Variants in ZNF644 observed in about 807,000 individuals in gnomAD.
ZNF644 encodes the protein zinc finger motif enhancer binding protein 2.
A neutral mutation model predicts 108.0 loss-of-function variants in ZNF644; 20 were observed. The ratio of observed to expected loss-of-function variants is 0.19; its 90% confidence interval spans 0.13 to 0.27. The LOEUF (loss-of-function observed/expected upper bound fraction) is 0.27. Ranked by LOEUF, ZNF644 falls within the 10% of genes least tolerant of loss-of-function variation. The pLI, the probability that ZNF644 is intolerant of heterozygous loss-of-function variation, is 1.00. For missense variants in ZNF644, 1,338 were observed against 1,548.9 expected, an observed-to-expected ratio of 0.86 and a Z score of 2.29; for synonymous variants, 542 against 539.1, an observed-to-expected ratio of 1.01 and a Z score of -0.08.
rs1656366887 is a variant in ZNF644, at chr1:90,979,747, TAAAG to T, written c.44+2559_44+2562del. 2.0e-5 allele frequency among the ~76,000 whole-genome samples: 3 copies of T among 152,116 alleles called. No homozygotes were observed. In the South Asian group the frequency reaches 6.2e-4, roughly 31 times the overall value. On this transcript the variant is annotated intron_variant, in intron 2 of 5. Transcript: ENST00000337393. ...TATTAGTCTAACATTCCAAAATCTT[TAAAG>T]AAATAACTAGTACAAACCCACAAAG...
chr1:90,923,783 G>A (rs976646546), intron 4 of ZNF644, among the ~76,000 whole-genome samples: 19 of 152,120 alleles, frequency 1.2e-4, no homozygotes, highest in African/African-American at 4.3e-4. Flanking sequence ...TACCTGGAAA[G>A]CAGATTTCCT....
chr1:90,978,515 A>T (rs935056665), intron 2 of ZNF644, among the ~76,000 whole-genome samples: 1 of 152,220 alleles, frequency 6.6e-6, no homozygotes, highest in African/African-American at 2.4e-5. Context: ...CAGCACATCT[A>T]CAATGCTACT....
At chr1:91,009,360 A>G (rs1659737274) in intron 1 of ZNF644, among the ~76,000 whole-genome samples, 1 of 152,028 alleles carries the variant, frequency 6.6e-6, no homozygotes, top group South Asian at 2.1e-4. Context: ...TATTACTTCT[A>G]TTTTTCCTGT....
At chr1:90,988,515 T>C (rs956807718) in intron 1 of ZNF644, among the ~76,000 whole-genome samples, 4 of 152,204 alleles carry the variant, frequency 2.6e-5, no homozygotes, top group African/African-American at 9.7e-5. Context: ...AATGGCATTT[T>C]TGCAGAAACA....
chr1:91,012,269 C>A lies in ZNF644; in HGVS notation c.-18+9721G>T, dbSNP rs189268457. Among the ~76,000 whole-genome samples the A allele has an allele frequency of 1.8e-3, 273 of 151,264 alleles. 1 individual carries two copies. The highest frequency in any genetic ancestry group is 6.9e-3 in the Middle Eastern group (2 of 290). On this transcript the variant is annotated intron_variant, in intron 1 of 5. Coordinates refer to ENST00000337393, the MANE Select transcript of ZNF644 (RefSeq NM_201269.3). ...GCCATAAGAAGTTTAGAAACAAAAA[C>A]TCCAGCCCGGGCAACATGGTAAAAC...
rs992328649 is a variant in ZNF644, at chr1:90,966,465, G to A, written c.44+15845C>T. The stretch of plus-strand genomic sequence containing the variant: ...AGGTCTAAATTAAATCTGGGGAACA[G>A]GGGCCAGGTGCGGGTGGCTCATGCC... On this transcript the variant is annotated intron_variant, in intron 2 of 5. Transcript: ENST00000337393. Among the ~76,000 whole-genome samples the A allele has an allele frequency of 2.6e-5, 4 of 152,080 alleles. No individual in the cohort carries two copies. The East Asian group carries it at 7.7e-4, about 29-fold the overall frequency.
At chr1:90,962,029 TA>T (rs1417045328) in intron 2 of ZNF644, among the ~76,000 whole-genome samples, 1 of 152,094 alleles carries the variant, frequency 6.6e-6, no homozygotes, top group Non-Finnish European at 1.5e-5. Flanking sequence ...AAAGTTATTT[TA>T]AAAAGTTCAA....
At chr1:90,992,255 T>C (rs539731637) in intron 1 of ZNF644, among the ~76,000 whole-genome samples, 106 of 150,494 alleles carry the variant, frequency 7.0e-4, no homozygotes, top group African/African-American at 2.6e-3. Context: ...TCAAATTGTT[T>C]ACTTTAAGTG....
chr1:90,977,566 C>T (rs574543590), intron 2 of ZNF644, among the ~76,000 whole-genome samples: 6 of 152,268 alleles, frequency 3.9e-5, no homozygotes, highest in East Asian at 3.9e-4. Flanking sequence ...CCACTTTCCA[C>T]CAATTAGACT....
At chr1:90,968,192 A>T (rs1051791973) in intron 2 of ZNF644, among the ~76,000 whole-genome samples, 2 of 152,146 alleles carry the variant, frequency 1.3e-5, no homozygotes, top group African/African-American at 4.8e-5. Context: ...CCTAATTCAC[A>T]TGCCTCATGA....
intron 1 of ZNF644, among the ~76,000 whole-genome samples, chr1:90,999,455 G>C (rs1658527640): frequency 6.6e-6 from 1 of 152,184 alleles, no homozygotes. Flanking sequence ...CTTCATAAGT[G>C]AAGGAGAAAT....
chr1:90,985,290 C>A (rs1227017958), intron 1 of ZNF644, among the ~76,000 whole-genome samples: 1 of 152,152 alleles, frequency 6.6e-6, no homozygotes, highest in Admixed American at 6.6e-5. Flanking sequence ...ACAAATCCAT[C>A]ACCTCACACT....
chr1:90,947,143 A>G (rs1190072593), intron 2 of ZNF644, among the ~76,000 whole-genome samples: 1 of 152,200 alleles, frequency 6.6e-6, no homozygotes. Flanking sequence ...ATCAAACATT[A>G]ATTTCCTAAT....
intron 1 of ZNF644, among the ~76,000 whole-genome samples, chr1:91,011,334 A>C (rs1659944244): frequency 6.6e-6 from 1 of 152,204 alleles, no homozygotes; most frequent in South Asian, 2.1e-4. Flanking sequence ...TTCACAATCC[A>C]AATGTTAATG....
rs774405556 is a variant in ZNF644, at chr1:90,940,809, G to A, written c.545C>T (p.Ala182Val). ...HQVLFLLSDV[A>V]HAKNPTHSNK... Reference sequence around the variant, plus strand: ...GGAATGGGTGGGATTCTTAGCATGTGCTACATCTGATAACAAAAATAAAAC... The same window carrying A: ...GGAATGGGTGGGATTCTTAGCATGTACTACATCTGATAACAAAAATAAAAC... The change falls in exon 3 of 6, where the codon GCA (alanine) becomes GTA (valine). Residue 182 changes from alanine (A) to valine (V), a missense_variant. Transcript: ENST00000337393. 3.7e-6 allele frequency: 6 copies of A among 1,613,944 alleles called. No homozygotes were observed. The highest frequency in any genetic ancestry group is 3.3e-5 in the Admixed American group (2 of 60,016).
Position 90,939,092 on chromosome 1 carries a change from A to T in ZNF644, c.2262T>A (p.Gly754=), listed in dbSNP as rs749873243. 1 of 1,614,032 alleles carries T rather than the reference A, an allele frequency of 6.2e-7. No homozygotes were observed. The highest frequency in any genetic ancestry group is 8.5e-7 in the Non-Finnish European group (1 of 1,179,912). Reference sequence around the variant, plus strand: ...TTTTGAAATGCACAGGATATGATTCACCTGATTTTTTGATCATCCTATAGT... The same window carrying T: ...TTTTGAAATGCACAGGATATGATTCTCCTGATTTTTTGATCATCCTATAGT... ...YENYRMIKKS[G]ESYPVHFKKE... Residue 754 remains glycine (G), a synonymous_variant, in exon 3 of 6, where the codon GGT becomes GGA. Coordinates refer to ENST00000337393, the MANE Select transcript of ZNF644 (RefSeq NM_201269.3).
chr1:90,918,021 A>G (rs1264164752), intron 5 of ZNF644, 31 bp downstream of exon 5: 1 of 1,555,706 alleles, frequency 6.4e-7, no homozygotes. Flanking sequence ...GTATGAAGAA[A>G]CTGATCAGAT....
chr1:90,949,020 GAAT>G (rs2101027534), intron 2 of ZNF644, among the ~76,000 whole-genome samples: 1 of 152,040 alleles, frequency 6.6e-6, no homozygotes, highest in East Asian at 1.9e-4. Flanking sequence ...AATAGAACTT[GAAT>G]AATATGACAT....
intron 2 of ZNF644, among the ~76,000 whole-genome samples, chr1:90,959,274 T>C (rs892256128): frequency 6.6e-6 from 1 of 152,232 alleles, no homozygotes; most frequent in Non-Finnish European, 1.5e-5. Context: ...ATTACTGACA[T>C]TGATGTAGAG....
Sources: allele counts gnomAD v4.1 joint callset (sites outside exome capture counted in the v4.1 genomes callset), GRCh38; gene constraint gnomAD v4.1.1; transcripts MANE v1.5; gene names NCBI Gene and HGNC (gene_info 2026-07-23, HGNC 2026-07-21).